NCKAP1L: variants seen among roughly 807,000 people sequenced by gnomAD.
NCKAP1L encodes the protein NCK associated protein 1 like.
NCKAP1L carries 53 observed loss-of-function variants against 139.2 expected under a neutral mutation model. That is an observed-to-expected ratio of 0.38 (90% CI 0.31 to 0.48). The LOEUF is 0.48. NCKAP1L is among the 20% of genes least tolerant of loss of function. NCKAP1L has a pLI of 0.98. For synonymous variants in NCKAP1L, 468 were observed against 499.7 expected (o/e 0.94, Z 0.85); for missense variants, 1,151 against 1,381.9 (o/e 0.83, Z 2.65).
At chr12:54,508,342 G>C in intron 4 of NCKAP1L, 47 bp from the exon 5 acceptor site, 1 of 1,604,452 alleles carries the variant, frequency 6.2e-7, no homozygotes, top group South Asian at 1.1e-5. Flanking sequence ...GGAGATCCAG[G>C]TTAATTGGCC....
At chr12:54,513,909 G>A (rs537187242) in intron 9 of NCKAP1L, among the ~76,000 whole-genome samples, 1 of 152,098 alleles carries the variant, frequency 6.6e-6, no homozygotes, top group Admixed American at 6.5e-5. Flanking sequence ...TGTAAAAAGT[G>A]CAAAGTGGAA....
intron 19 of NCKAP1L, 86 bp downstream of exon 19, chr12:54,523,625 A>G (rs1305392165): frequency 6.6e-7 from 1 of 1,516,328 alleles, no homozygotes; most frequent in African/African-American, 1.4e-5. Flanking sequence ...CAGAAAGAAA[A>G]GAGCGCAAGT....
At chr12:54,514,110 T>C (rs1395860942) in intron 9 of NCKAP1L, among the ~76,000 whole-genome samples, 2 of 152,172 alleles carry the variant, frequency 1.3e-5, no homozygotes, top group African/African-American at 4.8e-5. Context: ...AAAAACTTAC[T>C]ATGTTTTGGA....
At chr12:54,509,054 A>G (rs1266192598) in intron 5 of NCKAP1L, among the ~76,000 whole-genome samples, 1 of 152,216 alleles carries the variant, frequency 6.6e-6, no homozygotes, top group Non-Finnish European at 1.5e-5. Flanking sequence ...AATTCTTTTT[A>G]GTGTTGGTAG....
At chr12:54,530,829 A>G (rs923959352) in intron 22 of NCKAP1L, among the ~76,000 whole-genome samples, 3 of 152,216 alleles carry the variant, frequency 2.0e-5, no homozygotes, top group Non-Finnish European at 4.4e-5. Context: ...TTACTCTCAC[A>G]TCAATTCTGT....
intron 3 of NCKAP1L, 87 bp downstream of exon 3, chr12:54,500,712 A>G (rs1401716933): frequency 1.1e-6 from 1 of 873,832 alleles, no homozygotes; most frequent in Admixed American, 2.1e-5. Flanking sequence ...GCTTAAAACA[A>G]GTTCTTGAAA....
At chr12:54,512,628 T>C (rs1261617983) in intron 9 of NCKAP1L, 7 of 154,734 alleles carry the variant, frequency 4.5e-5, no homozygotes, top group Non-Finnish European at 1.0e-4. Flanking sequence ...AATTGTTTGA[T>C]AGAGTAAGAG....
intron 28 of NCKAP1L, among the ~76,000 whole-genome samples, chr12:54,536,725 A>C (rs1957116373): frequency 6.6e-6 from 1 of 152,102 alleles, no homozygotes; most frequent in South Asian, 2.1e-4. Context: ...TGAAAAAAAA[A>C]AAAACCAGAA....
chr12:54,523,728 G>A (rs1047365623), intron 19 of NCKAP1L, 97 bp from the exon 20 acceptor site: 72 of 1,492,804 alleles, frequency 4.8e-5, no homozygotes, highest in Non-Finnish European at 6.2e-5. Context: ...CTTCTAGGCT[G>A]AGTATCCCTA....
At chr12:54,523,747 G>T in intron 19 of NCKAP1L, 78 bp from the exon 20 acceptor site, 2 of 1,544,866 alleles carry the variant, frequency 1.3e-6, no homozygotes, top group Non-Finnish European at 8.7e-7. Flanking sequence ...TAGAAACTGG[G>T]TCATGGGCCC....
Position 54,509,732 on chromosome 12 carries a change from G to C in NCKAP1L, c.570G>C (p.Leu190=). 1 of 1,614,214 alleles carries C rather than the reference G, an allele frequency of 6.2e-7. No individual in the cohort carries two copies. The highest frequency in any genetic ancestry group is 8.5e-7 in the Non-Finnish European group (1 of 1,180,036). Reference sequence around the variant, plus strand: ...AGTATGACCACCCTCTGAAGAAGCTGACAGAAGAGTTTGGGCCTCACACAA... The same window carrying C: ...AGTATGACCACCCTCTGAAGAAGCTCACAGAAGAGTTTGGGCCTCACACAA... ...VLEYDHPLKK[L]TEEFGPHTKA... Residue 190 remains leucine (L), a synonymous_variant, in exon 6 of 31, where the codon CTG becomes CTC. Coordinates refer to ENST00000293373, the MANE Select transcript of NCKAP1L (RefSeq NM_005337.5).
chr12:54,515,868 C>T (rs771277228), intron 9 of NCKAP1L, among the ~76,000 whole-genome samples: 67 of 152,322 alleles, frequency 4.4e-4, no homozygotes, highest in Middle Eastern at 3.4e-3. Flanking sequence ...TGTATTTATA[C>T]ACTGCTCCCT....
chr12:54,528,375 C>T lies in NCKAP1L; in HGVS notation c.2504C>T (p.Ser835Phe). ...NFSAEEFSDI[S>F]EMRALAELLG... ...AGTGCAGAGGAGTTCTCTGACATCTCTGGTGAGCTCAGGGCCTGGTCTTCT... is the reference window on the plus strand; with the variant it reads ...AGTGCAGAGGAGTTCTCTGACATCTTTGGTGAGCTCAGGGCCTGGTCTTCT... Residue 835 changes from serine to phenylalanine, a missense_variant and splice_region_variant, in exon 22 of 31, where the codon TCT (serine) becomes TTT (phenylalanine). Coordinates refer to ENST00000293373, the MANE Select transcript of NCKAP1L (RefSeq NM_005337.5). The T allele has an allele frequency of 6.8e-6, 11 of 1,613,524 alleles. No homozygotes were observed. Among genetic ancestry groups the T allele is most frequent in the Non-Finnish European group, 8.5e-6 (10 of 1,179,800 alleles).
Position 54,535,197 on chromosome 12 carries a change from G to A in NCKAP1L, c.2956G>A (p.Asp986Asn). ...GGCTGCCATTGCTAATCTGAAAGCTGGTAAGATTGGGGAAAGGGGGCGAGA... is the reference window on the plus strand; with the variant it reads ...GGCTGCCATTGCTAATCTGAAAGCTAGTAAGATTGGGGAAAGGGGGCGAGA... ...LVAAIANLKA[D>N]TSSPEEEYKV... Residue 986 changes from aspartate (D) to asparagine (N), a missense_variant and splice_region_variant, in exon 27 of 31, where the codon GAT becomes AAT. Transcript: ENST00000293373. The A allele has an allele frequency of 6.2e-7, 1 of 1,612,456 alleles. No homozygotes were observed. Among genetic ancestry groups the A allele is most frequent in the Non-Finnish European group, 8.5e-7 (1 of 1,178,768 alleles).
chr12:54,498,324 T>A (rs1016241374), intron 1 of NCKAP1L, among the ~76,000 whole-genome samples: 1 of 151,662 alleles, frequency 6.6e-6, no homozygotes, highest in Admixed American at 6.6e-5. Context: ...GGAAAAAAAA[T>A]AGATAATTAG....
chr12:54,511,832 A>C lies in NCKAP1L; in HGVS notation c.765A>C (p.Val255=), dbSNP rs763149504. ...CCTGTGAGTATCTGTCTGTGGAAGT[A>C]ATGGAGCGCTGGATTATCAGTAAGT... The part of the protein sequence containing the change: ...TMACEYLSVE[V]MERWIIIGFL... Residue 255 remains valine, a synonymous_variant, in exon 8 of 31, where the codon GTA becomes GTC. Coordinates refer to ENST00000293373, the MANE Select transcript of NCKAP1L (RefSeq NM_005337.5). 1.2e-6 allele frequency: 2 copies of C among 1,614,132 alleles called. No individual in the cohort carries two copies. Among genetic ancestry groups the C allele is most frequent in the Admixed American group, 1.7e-5 (1 of 60,030 alleles).
intron 22 of NCKAP1L, among the ~76,000 whole-genome samples, chr12:54,531,015 T>C (rs1372586071): frequency 2.6e-5 from 4 of 152,168 alleles, no homozygotes; most frequent in Non-Finnish European, 5.9e-5. Context: ...TATAGGAAAG[T>C]AAAGTAATTA....
In NCKAP1L at chr12:54,542,597, T is replaced by A. The variant is rs1320481671; in HGVS notation, c.3296T>A (p.Leu1099Gln). ...CAGGTGGTGGAGGAGTCATCCTTCC[T>A]GACCCTGGACATGCTGGAGTCCTGT... is the stretch of plus-strand genomic sequence containing the variant. ...MRLVVEESSF[L>Q]TLDMLESCFP... The change falls in exon 31 of 31, where the codon CTG becomes CAG. Residue 1099 changes from leucine (L) to glutamine (Q), a missense_variant. Leu to Gln is a moderately radical substitution (Grantham distance 113). Coordinates refer to ENST00000293373, the MANE Select transcript of NCKAP1L (RefSeq NM_005337.5). The A allele has an allele frequency of 1.2e-6, 2 of 1,614,134 alleles. No individual in the cohort carries two copies. Among genetic ancestry groups the A allele is most frequent in the Non-Finnish European group, 1.7e-6 (2 of 1,179,960 alleles).
chr12:54,528,134 C>T (rs1957041177), intron 21 of NCKAP1L, 113 bp from the exon 22 acceptor site: 1 of 1,301,338 alleles, frequency 7.7e-7, no homozygotes, highest in Non-Finnish European at 1.1e-6. Flanking sequence ...TTTCTTCTCC[C>T]TACCCCAGTC....
Sources: gnomAD v4.1 joint callset for allele counts (sites outside exome capture counted in the v4.1 genomes callset) on GRCh38, gnomAD v4.1.1 for gene constraint, MANE v1.5 for transcripts, NCBI Gene and HGNC (gene_info 2026-07-23, HGNC 2026-07-21) for gene names.